The following ARPP21 variants were observed in gnomAD, a reference collection of about 807,000 sequenced individuals.
The protein encoded by ARPP21 is cAMP regulated phosphoprotein 21.
ARPP21 carries 69 observed loss-of-function variants against 113.2 expected under a neutral mutation model. The ratio of observed to expected loss-of-function variants is 0.61; its 90% CI spans 0.50 to 0.74. ARPP21 has a LOEUF of 0.74. Ranked by LOEUF, ARPP21 falls within the 30% of genes least tolerant of loss-of-function variation. The probability of loss-of-function intolerance (pLI) is 0.00; values close to 1 mark genes in which losing one functional copy is unlikely to be tolerated. For missense variants in ARPP21, 1,070 were observed against 1,037.4 expected (o/e 1.03, Z -0.43); for synonymous variants, 368 against 375.5 (o/e 0.98, Z 0.23).
chr3:35,717,501 G>T (rs959590571), intron 13 of ARPP21, 144 bp downstream of exon 13: 3 of 580,242 alleles, frequency 5.2e-6, no homozygotes, highest in Non-Finnish European at 9.3e-6. Flanking sequence ...TAAATAGCTA[G>T]CGTGGAAGTC....
chr3:35,715,137 C>G (rs2092170426), intron 11 of ARPP21: 1 of 264,712 alleles, frequency 3.8e-6, no homozygotes, highest in Admixed American at 4.8e-5. Context: ...AGCTCGGAAT[C>G]CGACGGCCAC....
At chr3:35,781,877 A>G (rs1213068494) in intron 19 of ARPP21, among the ~76,000 whole-genome samples, 5 of 152,208 alleles carry the variant, frequency 3.3e-5, no homozygotes, top group Non-Finnish European at 7.4e-5. Context: ...CATTGGTTAC[A>G]GGTAAAATAC....
intron 16 of ARPP21, 39 bp from the exon 17 acceptor site, chr3:35,738,175 T>C: frequency 7.5e-7 from 1 of 1,327,814 alleles, no homozygotes. Flanking sequence ...TCAACCCCAG[T>C]GCTTTTCTGT....
intron 11 of ARPP21, among the ~76,000 whole-genome samples, chr3:35,710,026 T>C (rs1182315190): frequency 6.6e-6 from 1 of 152,336 alleles, no homozygotes; most frequent in East Asian, 1.9e-4. Context: ...TCTCTGATCT[T>C]CCAGCTGGTC....
chr3:35,667,911 A>AAGAGGAAGGAGG, intron 1 of ARPP21, among the ~76,000 whole-genome samples: 1 of 80,376 alleles, frequency 1.2e-5, no homozygotes, highest in East Asian at 3.4e-4. Flanking sequence ...GAGGAAGAGG[A>AAGAGGAAGGAGG]AGGAGGAGGA....
chr3:35,677,331 A>G (rs891087534), intron 1 of ARPP21, among the ~76,000 whole-genome samples: 1 of 151,792 alleles, frequency 6.6e-6, no homozygotes, highest in Non-Finnish European at 1.5e-5. Flanking sequence ...TTTGATAGTG[A>G]TGATGAAAGA....
chr3:35,766,094 A>G (rs1242381188), intron 19 of ARPP21, among the ~76,000 whole-genome samples: 1 of 152,154 alleles, frequency 6.6e-6, no homozygotes, highest in Non-Finnish European at 1.5e-5. Flanking sequence ...TGGAGTATCC[A>G]ATAACCAATG....
At chr3:35,761,172 C>T (rs936763475) in intron 19 of ARPP21, among the ~76,000 whole-genome samples, 6 of 152,050 alleles carry the variant, frequency 3.9e-5, no homozygotes, top group African/African-American at 1.4e-4. Flanking sequence ...GAGTTCAAAT[C>T]GAGGGCAAAT....
At chr3:35,731,547 A>G (rs1366206128) in intron 15 of ARPP21, among the ~76,000 whole-genome samples, 1 of 152,236 alleles carries the variant, frequency 6.6e-6, no homozygotes, top group Non-Finnish European at 1.5e-5. Flanking sequence ...CTTCTTTTCT[A>G]GAATATATTT....
At chr3:35,673,768 T>A (rs1445024464) in intron 1 of ARPP21, among the ~76,000 whole-genome samples, 1 of 152,032 alleles carries the variant, frequency 6.6e-6, no homozygotes, top group East Asian at 1.9e-4. Context: ...GCTCCCATTT[T>A]GGCACCTCTA....
intron 19 of ARPP21, among the ~76,000 whole-genome samples, chr3:35,784,591 A>G (rs1268846364): frequency 6.6e-6 from 1 of 152,124 alleles, no homozygotes. Context: ...TTCCATTCCT[A>G]TACCACCTTG....
chr3:35,716,782 ATT>A (rs896117202), intron 12 of ARPP21, among the ~76,000 whole-genome samples: 2 of 151,916 alleles, frequency 1.3e-5, no homozygotes, highest in African/African-American at 4.8e-5. Context: ...TGTCCCTTAT[ATT>A]ATGTTGGATT....
At chr3:35,661,467 TGTAA>T (rs1483971417) in intron 1 of ARPP21, among the ~76,000 whole-genome samples, 3 of 152,212 alleles carry the variant, frequency 2.0e-5, no homozygotes, top group East Asian at 1.9e-4. Flanking sequence ...AGAAACATGC[TGTAA>T]GTGTTAGTTG....
chr3:35,790,345 T>C lies in ARPP21; in HGVS notation c.2138-2037T>C, dbSNP rs560239516. ...ATAAGTTTTCTATGATCATCCCAAG[T>C]TATTTTCTTATGTATATAATAATTC... On this transcript the variant is annotated intron_variant, in intron 19 of 20. Coordinates refer to ENST00000684406, the MANE Select transcript of ARPP21 (RefSeq NM_001385562.1). Among the ~76,000 whole-genome samples, 434 of 152,334 alleles carry C rather than the reference T, an allele frequency of 2.8e-3. 6 individuals carry two copies. The highest frequency in any genetic ancestry group is 2.8e-3 in the Non-Finnish European group (192 of 68,034).
intron 19 of ARPP21, among the ~76,000 whole-genome samples, chr3:35,750,776 A>C (rs1331226691): frequency 6.6e-6 from 1 of 152,176 alleles, no homozygotes; most frequent in Non-Finnish European, 1.5e-5. Flanking sequence ...TTTTCAGACC[A>C]TGCTATCTTT....
chr3:35,730,702 T>G, intron 15 of ARPP21, among the ~76,000 whole-genome samples: 1 of 152,236 alleles, frequency 6.6e-6, no homozygotes, highest in Non-Finnish European at 1.5e-5. Flanking sequence ...CTCATAAAAA[T>G]TATCTGACTC....
intron 11 of ARPP21, among the ~76,000 whole-genome samples, chr3:35,711,814 T>G (rs1297148725): frequency 6.6e-6 from 1 of 152,180 alleles, no homozygotes; most frequent in Non-Finnish European, 1.5e-5. Context: ...ACATGGCAAC[T>G]AACTTCCCCT....
At chr3:35,683,033 T>C (rs2079440239) in intron 4 of ARPP21, 144 bp downstream of exon 4, 3 of 702,456 alleles carry the variant, frequency 4.3e-6, no homozygotes, top group African/African-American at 3.6e-5. Context: ...GCTGGCTGTT[T>C]TTGATGGGGT....
At chr3:35,758,867 T>C (rs574610559) in intron 19 of ARPP21, among the ~76,000 whole-genome samples, 1 of 152,172 alleles carries the variant, frequency 6.6e-6, no homozygotes, top group East Asian at 1.9e-4. Flanking sequence ...AAAGTGTGTG[T>C]GTGTGCATGC....
Sources: allele counts gnomAD v4.1 joint callset (sites outside exome capture counted in the v4.1 genomes callset), GRCh38; gene constraint gnomAD v4.1.1; transcripts MANE v1.5; gene names NCBI Gene and HGNC (gene_info 2026-07-23, HGNC 2026-07-21).